Variants in SLC2A9 observed in about 807,000 individuals in gnomAD.
The protein encoded by SLC2A9 is solute carrier family 2 member 9.
Under a neutral mutation model 50.6 loss-of-function variants are expected in SLC2A9, and 39 were observed. The observed-to-expected ratio is 0.77, with a 90% CI of 0.60 to 1.01. The LOEUF (loss-of-function observed/expected upper bound fraction) is 1.01. SLC2A9 is among the 50% of genes least tolerant of loss of function. SLC2A9 has a pLI of 0.00. For missense variants in SLC2A9, 686 were observed against 677.6 expected, an observed-to-expected ratio of 1.01 and a Z score of -0.14; for synonymous variants, 324 against 276.9, an observed-to-expected ratio of 1.17 and a Z score of -1.69.
At chr4:9,869,977 CT>C (rs1733148623) in intron 10 of SLC2A9, among the ~76,000 whole-genome samples, 1 of 152,230 alleles carries the variant, frequency 6.6e-6, no homozygotes, top group Admixed American at 6.5e-5. Flanking sequence ...CACACATGTC[CT>C]TGTAAGAGTG....
intron 6 of SLC2A9, among the ~76,000 whole-genome samples, chr4:9,928,380 G>C (rs887921326): frequency 5.3e-5 from 8 of 152,222 alleles, no homozygotes; most frequent in East Asian, 1.9e-4. Flanking sequence ...CATAAAAAGA[G>C]ATGTGTCTGT....
At chr4:9,801,728 G>A (rs1448192132) in intron 3 of SLC2A9, among the ~76,000 whole-genome samples, 1 of 152,210 alleles carries the variant, frequency 6.6e-6, no homozygotes. Context: ...CCCCCGAGCA[G>A]CAGCTGCAGT....
chr4:9,949,273 G>A (rs916252589), intron 5 of SLC2A9, among the ~76,000 whole-genome samples: 1 of 152,110 alleles, frequency 6.6e-6, no homozygotes, highest in Non-Finnish European at 1.5e-5. Context: ...TTTAGTAAAT[G>A]CCTGTTTACT....
At chr4:9,790,031 T>A (rs180915348) in intron 3 of SLC2A9, among the ~76,000 whole-genome samples, 1 of 152,208 alleles carries the variant, frequency 6.6e-6, no homozygotes, top group Non-Finnish European at 1.5e-5. Flanking sequence ...ATAGGCACCA[T>A]TGTCCTCATT....
intron 5 of SLC2A9, among the ~76,000 whole-genome samples, chr4:9,978,300 G>C (rs1168169057): frequency 6.6e-6 from 1 of 152,176 alleles, no homozygotes; most frequent in Non-Finnish European, 1.5e-5. Flanking sequence ...TGTGGTGAAT[G>C]AATAAATAAA....
intron 3 of SLC2A9, among the ~76,000 whole-genome samples, chr4:9,995,457 T>C (rs1341900678): frequency 2.0e-5 from 3 of 152,188 alleles, no homozygotes; most frequent in African/African-American, 7.2e-5. Context: ...GTTTTCTCCT[T>C]GTTGGGCTGT....
chr4:9,846,359 T>C (rs1210966733), intron 10 of SLC2A9, among the ~76,000 whole-genome samples: 2 of 152,156 alleles, frequency 1.3e-5, no homozygotes, highest in Admixed American at 1.3e-4. Flanking sequence ...GTATGCCAGG[T>C]CTGTCCTCTC....
chr4:9,964,944 C>A (rs997331667), intron 5 of SLC2A9, among the ~76,000 whole-genome samples: 3 of 152,162 alleles, frequency 2.0e-5, no homozygotes, highest in Admixed American at 6.5e-5. Flanking sequence ...GTAATTATCA[C>A]CCCGCTCTGA....
chr4:9,887,723 C>G, intron 9 of SLC2A9, 81 bp from the exon 10 acceptor site: 1 of 1,182,468 alleles, frequency 8.5e-7, no homozygotes. Context: ...GCTCCTCCTC[C>G]ATCCATCTGT....
intron 10 of SLC2A9, among the ~76,000 whole-genome samples, chr4:9,882,483 C>T (rs368349254): frequency 1.3e-4 from 20 of 151,926 alleles, no homozygotes; most frequent in African/African-American, 2.7e-4. Flanking sequence ...CCGAGGCAGG[C>T]GGATCACGAG....
intron 11 of SLC2A9, among the ~76,000 whole-genome samples, chr4:9,827,621 CTT>C (rs1015613002): frequency 6.6e-6 from 1 of 152,198 alleles, no homozygotes; most frequent in Non-Finnish European, 1.5e-5. Flanking sequence ...ATCTGAGACT[CTT>C]TGTCCCTCAG....
chr4:9,845,949 G>A (rs746100894), intron 10 of SLC2A9, among the ~76,000 whole-genome samples: 2 of 152,068 alleles, frequency 1.3e-5, no homozygotes, highest in African/African-American at 4.8e-5. Context: ...TCATCCATTC[G>A]TTCATCCATT....
chr4:9,808,741 G>T (rs1156487711), intron 3 of SLC2A9, among the ~76,000 whole-genome samples: 1 of 152,160 alleles, frequency 6.6e-6, no homozygotes, highest in Non-Finnish European at 1.5e-5. Flanking sequence ...TTTGCAACAT[G>T]ATTCCAAAGT....
At position 9,902,519 on chromosome 4, in the gene SLC2A9, C is replaced by T. The variant is rs145739154; in HGVS notation, c.1113+5716G>A. ...CCGTGATAAGGTCCCACAGACAGAG[C>T]GGCTTCAGCAATAGAAACGTGTTGT... On this transcript the variant is annotated intron_variant, in intron 8 of 11. Transcript: ENST00000264784. Among the ~76,000 whole-genome samples the T allele has an allele frequency of 2.7e-3, 408 of 152,294 alleles. 1 individual carries two copies. The highest frequency in any genetic ancestry group is 9.1e-3 in the African/African-American group (378 of 41,566).
Position 9,950,762 on chromosome 4 carries a change from G to T in SLC2A9, c.682-8717C>A, listed in dbSNP as rs1750082263. On this transcript the variant is annotated intron_variant, in intron 5 of 11. Transcript: ENST00000264784. ...CAAAAAATTAGCCGGGCGTGGTAGC[G>T]GGCGCCTGTAGTCTCAGCTACTCGG... is the stretch of plus-strand genomic sequence containing the variant. 6.0e-5 allele frequency among the ~76,000 whole-genome samples: 2 copies of T among 33,358 alleles called. 1 individual carries two copies. The highest frequency in any genetic ancestry group is 9.9e-5 in the Non-Finnish European group (2 of 20,240). The allele number at this position is 33,358 out of a possible 152,430, so 21.9% of individuals were successfully genotyped here.
intron 6 of SLC2A9, among the ~76,000 whole-genome samples, chr4:9,939,865 G>A (rs924815809): frequency 6.6e-6 from 1 of 152,118 alleles, no homozygotes; most frequent in African/African-American, 2.4e-5. Context: ...CTTGCTGAAT[G>A]TCTGGAGTAA....
intron 3 of SLC2A9, chr4:9,782,206 G>GC: frequency 6.2e-7 from 1 of 1,611,318 alleles, no homozygotes; most frequent in Non-Finnish European, 8.5e-7. Flanking sequence ...TGGGCAACGT[G>GC]CTGGTGTGCG....
chr4:9,990,035 T>G (rs1757415460), intron 3 of SLC2A9, among the ~76,000 whole-genome samples: 1 of 152,126 alleles, frequency 6.6e-6, no homozygotes, highest in Non-Finnish European at 1.5e-5. Context: ...CTCTGTTTTC[T>G]ACATTGGTCC....
At chr4:9,777,470 G>C (rs1423172128), downstream of SLC2A9, among the ~76,000 whole-genome samples, 1 of 152,064 alleles carries the variant, frequency 6.6e-6, no homozygotes, top group Non-Finnish European at 1.5e-5. Context: ...GTATTGTCTT[G>C]CTTCCACCCC....
Sources: gnomAD v4.1 joint callset for allele counts (sites outside exome capture counted in the v4.1 genomes callset) on GRCh38, gnomAD v4.1.1 for gene constraint, MANE v1.5 for transcripts, NCBI Gene and HGNC (gene_info 2026-07-23, HGNC 2026-07-21) for gene names.